TCF4: variants seen among roughly 807,000 people sequenced by gnomAD.
TCF4 encodes the protein transcription factor 4.
A neutral mutation model predicts 82.1 loss-of-function variants in TCF4; 3 were observed. That is an observed-to-expected ratio of 0.04 (90% confidence interval 0.02 to 0.09). TCF4 has a LOEUF of 0.09. Ranked by LOEUF, TCF4 falls within the 10% of genes least tolerant of loss-of-function variation. TCF4 has a pLI of 1.00. For missense variants in TCF4, 518 were observed against 852.7 expected, an observed-to-expected ratio of 0.61 and a Z score of 4.89; for synonymous variants, 276 against 309.6, an observed-to-expected ratio of 0.89 and a Z score of 1.14.
chr18:55,325,541 G>A (rs916657205), intron 8 of TCF4, among the ~76,000 whole-genome samples: 1 of 152,136 alleles, frequency 6.6e-6, no homozygotes, highest in African/African-American at 2.4e-5. Context: ...TGTAAGGCAG[G>A]CAACTCAACA....
chr18:55,457,817 C>A, intron 5 of TCF4, among the ~76,000 whole-genome samples: 1 of 152,322 alleles, frequency 6.6e-6, no homozygotes, highest in East Asian at 1.9e-4. Context: ...GTTTAAAAAT[C>A]TGTAAAATGC....
chr18:55,471,033 C>A (rs1254814290), intron 3 of TCF4, among the ~76,000 whole-genome samples: 1 of 152,130 alleles, frequency 6.6e-6, no homozygotes, highest in African/African-American at 2.4e-5. Context: ...GCTGAGCCCT[C>A]ACACAAACTG....
At chr18:55,546,554 G>A (rs940423565) in intron 3 of TCF4, among the ~76,000 whole-genome samples, 10 of 152,144 alleles carry the variant, frequency 6.6e-5, no homozygotes, top group East Asian at 3.9e-4. Flanking sequence ...CAGAAGCACC[G>A]AAGTTGTAGT....
chr18:55,349,559 A>G (rs1011140111), intron 8 of TCF4, among the ~76,000 whole-genome samples: 2 of 152,144 alleles, frequency 1.3e-5, no homozygotes, highest in Non-Finnish European at 2.9e-5. Flanking sequence ...AATGAAAAAA[A>G]GGAGGAAGGA....
At chr18:55,570,617 C>CATGCCTATA (rs1032576424) in intron 3 of TCF4, among the ~76,000 whole-genome samples, 2 of 152,102 alleles carry the variant, frequency 1.3e-5, no homozygotes, top group Non-Finnish European at 2.9e-5. Flanking sequence ...TGTGGTGGCT[C>CATGCCTATA]ATGCCTATAA....
chr18:55,572,820 G>A (rs1334488839), intron 3 of TCF4, among the ~76,000 whole-genome samples: 2 of 152,166 alleles, frequency 1.3e-5, no homozygotes, highest in South Asian at 2.1e-4. Flanking sequence ...TTGGGAGGCC[G>A]AGGTGGGCAG....
At chr18:55,287,781 T>G (rs1386106264) in intron 8 of TCF4, among the ~76,000 whole-genome samples, 1 of 152,236 alleles carries the variant, frequency 6.6e-6, no homozygotes, top group Non-Finnish European at 1.5e-5. Flanking sequence ...GCGTTCTTCA[T>G]GGCTAGGCAG....
chr18:55,293,593 T>C (rs2065644740), intron 8 of TCF4, among the ~76,000 whole-genome samples: 1 of 152,196 alleles, frequency 6.6e-6, no homozygotes, highest in Non-Finnish European at 1.5e-5. Flanking sequence ...TCTTTCTCAA[T>C]CTTCAATATT....
chr18:55,259,675 T>C (rs1260775427), intron 13 of TCF4: 1 of 408,812 alleles, frequency 2.4e-6, no homozygotes, highest in Non-Finnish European at 4.4e-6. Context: ...TTGGGTGTCT[T>C]CTGCAGAGCT....
intron 8 of TCF4, among the ~76,000 whole-genome samples, chr18:55,302,872 C>G (rs756653527): frequency 6.6e-5 from 10 of 152,138 alleles, no homozygotes; most frequent in Non-Finnish European, 2.9e-5. Context: ...GCCTCTTTTA[C>G]AGAATAAAAG....
At chr18:55,324,990 C>G (rs2076312047) in intron 8 of TCF4, among the ~76,000 whole-genome samples, 1 of 152,180 alleles carries the variant, frequency 6.6e-6, no homozygotes, top group South Asian at 2.1e-4. Flanking sequence ...TGAGGTGAAG[C>G]AGAACTGACA....
At chr18:55,541,408 A>G (rs2097164180) in intron 3 of TCF4, among the ~76,000 whole-genome samples, 1 of 152,020 alleles carries the variant, frequency 6.6e-6, no homozygotes, top group East Asian at 1.9e-4. Flanking sequence ...TGTAGTTTAT[A>G]GGATAAGGTT....
At chr18:55,401,163 A>G (rs2093794240) in intron 6 of TCF4, 1 of 1,277,532 alleles carries the variant, frequency 7.8e-7, no homozygotes, top group South Asian at 1.3e-5. Context: ...TGGAAGACAC[A>G]CTATGGTCTG....
At chr18:55,473,124 T>C (rs2096222045) in intron 3 of TCF4, among the ~76,000 whole-genome samples, 3 of 152,216 alleles carry the variant, frequency 2.0e-5, no homozygotes, top group Admixed American at 6.5e-5. Context: ...ATTTGGTAAA[T>C]AATTTATTGA....
intron 5 of TCF4, among the ~76,000 whole-genome samples, chr18:55,450,557 C>A (rs1004640683): frequency 1.3e-5 from 2 of 152,108 alleles, no homozygotes; most frequent in Non-Finnish European, 2.9e-5. Context: ...ATGTTTCCTT[C>A]GGATTCAAAA....
At position 55,554,063 on chromosome 18, in the gene TCF4, A is replaced by T. The variant is rs2097282884; in HGVS notation, c.145+31217T>A. On this transcript the variant is annotated intron_variant, in intron 3 of 19. Coordinates refer to ENST00000354452, the MANE Select transcript of TCF4 (RefSeq NM_001083962.2). The stretch of plus-strand genomic sequence containing the variant: ...AAAACAAAACATAAAGTCACTCATA[A>T]TTTTTTTAAAAAAGATTTGCAGAAC... Among the ~76,000 whole-genome samples the T allele has an allele frequency of 2.0e-5, 3 of 152,240 alleles. No individual in the cohort carries two copies. In the South Asian group the frequency reaches 6.2e-4, roughly 32 times the overall value.
intron 8 of TCF4, among the ~76,000 whole-genome samples, chr18:55,338,198 C>T (rs117588571): frequency 0.012 from 1,849 of 152,226 alleles, 20 homozygotes; most frequent in Non-Finnish European, 0.021. Flanking sequence ...AAAAGCACTG[C>T]CCCACCGTGC....
At chr18:55,293,962 T>TTTTTTTTTTTTTTTTTTG (rs2065799019) in intron 8 of TCF4, among the ~76,000 whole-genome samples, 1 of 137,910 alleles carries the variant, frequency 7.3e-6, no homozygotes, top group Non-Finnish European at 1.5e-5. Context: ...TTTTTTTTTT[T>TTTTTTTTTTTTTTTTTTG]TAGAATTCAT....
intron 12 of TCF4, chr18:55,261,224 A>C (rs2058023186): frequency 1.8e-6 from 1 of 559,834 alleles, no homozygotes; most frequent in South Asian, 2.1e-5. Context: ...GACCAGGAGA[A>C]TATTCCCACA....
Sources: allele counts gnomAD v4.1 joint callset (sites outside exome capture counted in the v4.1 genomes callset), GRCh38; gene constraint gnomAD v4.1.1; transcripts MANE v1.5; gene names NCBI Gene and HGNC (gene_info 2026-07-23, HGNC 2026-07-21).